Variants in LRP1B observed in about 807,000 individuals in gnomAD.
The protein encoded by LRP1B is low-density lipoprotein receptor-related protein 1B.
A neutral mutation model predicts 556.6 loss-of-function variants in LRP1B; 217 were observed. The ratio of observed to expected loss-of-function variants is 0.39; its 90% confidence interval spans 0.35 to 0.44. LRP1B has a LOEUF of 0.44. Among genes scored for constraint, LRP1B ranks in the 20% least tolerant of loss-of-function variants. The pLI, the probability that LRP1B is intolerant of heterozygous loss-of-function variation, is 1.00. For synonymous variants in LRP1B, 2,047 were observed against 1,865.8 expected, an observed-to-expected ratio of 1.10 and a Z score of -2.50; for missense variants, 5,053 against 5,620.8, an observed-to-expected ratio of 0.90 and a Z score of 3.23.
Position 141,902,643 on chromosome 2 carries a change from G to A in LRP1B, c.83-92242C>T, listed in dbSNP as rs1250957942. Among the ~76,000 whole-genome samples, 8 of 152,070 alleles carry A rather than the reference G, an allele frequency of 5.3e-5. No homozygotes were observed. In the South Asian group the frequency reaches 8.3e-4, roughly 16 times the overall value. ...GGAACATATAGCACATTCAAGCTGCGCTTGAAGGAAGCTAGAATGATTCAG... is the reference window on the plus strand; with the variant it reads ...GGAACATATAGCACATTCAAGCTGCACTTGAAGGAAGCTAGAATGATTCAG... On this transcript the variant is annotated intron_variant, in intron 1 of 90. Coordinates refer to ENST00000389484, the MANE Select transcript of LRP1B (RefSeq NM_018557.3).
intron 1 of LRP1B, among the ~76,000 whole-genome samples, chr2:142,115,915 A>C (rs1707255541): frequency 7.6e-6 from 1 of 132,074 alleles, no homozygotes; most frequent in Admixed American, 9.0e-5. Context: ...CAATTAATAA[A>C]CCTATAGTAG....
intron 4 of LRP1B, 30 bp from the exon 5 acceptor site, chr2:141,247,384 G>T: frequency 6.2e-7 from 1 of 1,610,884 alleles, no homozygotes; most frequent in Non-Finnish European, 8.5e-7. Flanking sequence ...TCATTTCTAA[G>T]CAGCTTTATC....
chr2:141,550,309 T>C (rs1314342332), intron 2 of LRP1B, among the ~76,000 whole-genome samples: 3 of 152,176 alleles, frequency 2.0e-5, no homozygotes, highest in Non-Finnish European at 2.9e-5. Context: ...TTAAATTTCC[T>C]AAAATCCTAT....
At chr2:140,736,774 C>G (rs1333425485) in intron 35 of LRP1B, among the ~76,000 whole-genome samples, 3 of 152,070 alleles carry the variant, frequency 2.0e-5, no homozygotes, top group Non-Finnish European at 2.9e-5. Flanking sequence ...TAGACAATAC[C>G]ATTCAGGACA....
chr2:141,627,287 G>C (rs1226552591), intron 2 of LRP1B, among the ~76,000 whole-genome samples: 1 of 152,230 alleles, frequency 6.6e-6, no homozygotes, highest in Non-Finnish European at 1.5e-5. Flanking sequence ...CAGGAGTTAA[G>C]GGGAAGGGAG....
intron 7 of LRP1B, among the ~76,000 whole-genome samples, chr2:141,122,298 A>G (rs1203739134): frequency 2.0e-5 from 3 of 152,082 alleles, no homozygotes; most frequent in Non-Finnish European, 4.4e-5. Context: ...AGAAACTACC[A>G]TCAGAGTGAA....
chr2:142,026,842 T>C lies in LRP1B; in HGVS notation c.82+103806A>G, dbSNP rs916673290. Reference sequence around the variant, plus strand: ...TCAAGTATGTAACTTCCAGTGCTGTTGGGACCAGGAATGGGTTATTTTTCA... The same window carrying C: ...TCAAGTATGTAACTTCCAGTGCTGTCGGGACCAGGAATGGGTTATTTTTCA... On this transcript the variant is annotated intron_variant, in intron 1 of 90. Transcript: ENST00000389484. Among the ~76,000 whole-genome samples, 10 of 152,198 alleles carry C rather than the reference T, an allele frequency of 6.6e-5. No individual in the cohort carries two copies. In the East Asian group the frequency reaches 9.7e-4, roughly 15 times the overall value.
At chr2:141,090,074 G>GGGAC (rs776889260) in intron 7 of LRP1B, among the ~76,000 whole-genome samples, 1 of 152,174 alleles carries the variant, frequency 6.6e-6, no homozygotes, top group Non-Finnish European at 1.5e-5. Flanking sequence ...AAAGGCTCTT[G>GGGAC]GGACCTTCTT....
chr2:140,314,793 G>A (rs1684449187), intron 83 of LRP1B, 142 bp downstream of exon 83: 1 of 592,314 alleles, frequency 1.7e-6, no homozygotes, highest in African/African-American at 1.9e-5. Flanking sequence ...AAATGCCATT[G>A]ATTTAATTTT....
chr2:141,890,385 T>TAA (rs1699253936), intron 1 of LRP1B, among the ~76,000 whole-genome samples: 1 of 57,168 alleles, frequency 1.7e-5, no homozygotes, highest in South Asian at 4.7e-4. Context: ...TGTGTATACA[T>TAA]ATATAGTGTA....
intron 7 of LRP1B, among the ~76,000 whole-genome samples, chr2:141,170,265 G>C (rs1035409591): frequency 1.3e-5 from 2 of 152,046 alleles, no homozygotes; most frequent in Admixed American, 6.6e-5. Context: ...GGCTCTCATG[G>C]CTCTACTTTC....
At chr2:140,346,529 T>A (rs556169852) in intron 77 of LRP1B, among the ~76,000 whole-genome samples, 1 of 152,050 alleles carries the variant, frequency 6.6e-6, no homozygotes, top group Admixed American at 6.6e-5. Flanking sequence ...TTTTCCACAA[T>A]CATAATAAAT....
chr2:141,874,021 T>G (rs1034470461), intron 1 of LRP1B, among the ~76,000 whole-genome samples: 3 of 143,356 alleles, frequency 2.1e-5, no homozygotes, highest in Non-Finnish European at 4.6e-5. Context: ...AAGGAATATA[T>G]AAAACACAGA....
rs536083390 is a variant in LRP1B at position 141,216,569 on chromosome 2, C to T, written c.850+12614G>A. Among the ~76,000 whole-genome samples the T allele has an allele frequency of 1.1e-4, 17 of 152,256 alleles. No individual in the cohort carries two copies. The South Asian group carries it at 2.3e-3, about 20-fold the overall frequency. On this transcript the variant is annotated intron_variant, in intron 6 of 90. Transcript: ENST00000389484. ...GAATGAGAGAGCCACTGGCAGCTTT[C>T]ACACTATGACTGGAAAAGCCACAGG...
At chr2:140,526,492 C>T in intron 47 of LRP1B, 142 bp from the exon 48 acceptor site, 1 of 588,596 alleles carries the variant, frequency 1.7e-6, no homozygotes, top group South Asian at 2.1e-5. Flanking sequence ...GACCCCTGAA[C>T]CCCACCTTCA....
intron 7 of LRP1B, among the ~76,000 whole-genome samples, chr2:141,134,925 A>G (rs1701453378): frequency 6.6e-6 from 1 of 151,784 alleles, no homozygotes; most frequent in Admixed American, 6.6e-5. Flanking sequence ...AGGTATTTAT[A>G]TATATATATA....
intron 3 of LRP1B, among the ~76,000 whole-genome samples, chr2:141,347,198 T>G (rs1688282324): frequency 6.6e-6 from 1 of 152,142 alleles, no homozygotes. Flanking sequence ...TTATATCAGA[T>G]ATACTTGTGG....
intron 3 of LRP1B, among the ~76,000 whole-genome samples, chr2:141,307,224 T>C (rs906735582): frequency 1.3e-5 from 2 of 152,162 alleles, no homozygotes; most frequent in African/African-American, 4.8e-5. Context: ...CCCCAAATAT[T>C]ATTGTACTGG....
chr2:140,760,667 C>G (rs1364735776), intron 35 of LRP1B, among the ~76,000 whole-genome samples: 1 of 152,146 alleles, frequency 6.6e-6, no homozygotes. Flanking sequence ...GGTGGATCAC[C>G]TGAGGTCAGG....
Sources: allele counts gnomAD v4.1 joint callset (sites outside exome capture counted in the v4.1 genomes callset), GRCh38; gene constraint gnomAD v4.1.1; transcripts MANE v1.5; gene names NCBI Gene and HGNC (gene_info 2026-07-23, HGNC 2026-07-21).